Variants in PCDHGB2 observed in about 807,000 individuals in gnomAD.
PCDHGB2 encodes protocadherin gamma subfamily B, 2, also known as protocadherin gamma-B2.
Under a neutral mutation model 59.3 loss-of-function variants are expected in PCDHGB2, and 55 were observed. The observed-to-expected ratio is 0.93, with a 90% CI of 0.75 to 1.16. The LOEUF is 1.16. Ranked by LOEUF, PCDHGB2 falls within the 50% of genes most tolerant of loss-of-function variation. The pLI is 0.00. For missense variants in PCDHGB2, 1,228 were observed against 1,198.5 expected (o/e 1.02, Z -0.36); for synonymous variants, 516 against 512.0 (o/e 1.01, Z -0.11).
chr5:141,491,802 G>A lies in PCDHGB2; in HGVS notation c.2422-3005G>A. 6.7e-7 allele frequency: 1 copy of A among 1,497,480 alleles called. No homozygotes were observed. Among genetic ancestry groups the A allele is most frequent in the East Asian group, 2.5e-5 (1 of 40,518 alleles). The allele number at this position is 1,497,480 out of a possible 1,614,324, so 92.8% of individuals were successfully genotyped here. ...ACTTGCATCCACTCCTCTCCGGCCG[G>A]CTTGGTCGCTGGCTGCGCTCCACCC... On this transcript the variant is annotated intron_variant, in intron 1 of 3. Coordinates refer to ENST00000522605, the MANE Select transcript of PCDHGB2 (RefSeq NM_018923.3). The surrounding 1 kb of genome is among the most constrained non-coding windows in gnomAD (Gnocchi z 6.9).
intron 1 of PCDHGB2, among the ~76,000 whole-genome samples, chr5:141,483,945 ATTGTG>A (rs2099589210): frequency 8.3e-6 from 1 of 120,394 alleles, no homozygotes; most frequent in Non-Finnish European, 1.6e-5. Context: ...TACGGTGTGA[ATTGTG>A]TTGTGTTTCT....
In PCDHGB2 at chr5:141,370,930, CTT is replaced by C. The variant is rs762522894; in HGVS notation, c.2421+8376_2421+8377del. Reference sequence around the variant, plus strand: ...TACCTCAGCCCTGATCCGCACTTCTCTTTGATTCAGAAGGAGAACCTGGATGG... The same window carrying C: ...TACCTCAGCCCTGATCCGCACTTCTCTGATTCAGAAGGAGAACCTGGATGG... On this transcript the variant is annotated intron_variant, in intron 1 of 3. Transcript: ENST00000522605. The C allele has an allele frequency of 1.1e-5, 18 of 1,613,894 alleles. No homozygotes were observed. In the African/African-American group the frequency reaches 2.1e-4, roughly 19 times the overall value.
chr5:141,375,241 C>G (rs774856817), intron 1 of PCDHGB2: 20 of 1,613,942 alleles, frequency 1.2e-5, no homozygotes, highest in Non-Finnish European at 1.7e-5. Context: ...CCTGTTCCAT[C>G]CCGAGAAGTC....
chr5:141,366,108 C>A (rs1179892338), intron 1 of PCDHGB2: 1 of 1,614,222 alleles, frequency 6.2e-7, no homozygotes, highest in South Asian at 1.1e-5. Flanking sequence ...AAGGTGGTAG[C>A]GGTGGACAAA....
At chr5:141,496,734 G>A (rs527288196) in intron 2 of PCDHGB2, among the ~76,000 whole-genome samples, 4 of 152,066 alleles carry the variant, frequency 2.6e-5, no homozygotes, top group Non-Finnish European at 4.4e-5. Flanking sequence ...GTATTCATTC[G>A]TTCATTTATT....
At position 141,476,923 on chromosome 5, in the gene PCDHGB2, G is replaced by A. The variant is rs368207814; in HGVS notation, c.2422-17884G>A. On this transcript the variant is annotated intron_variant, in intron 1 of 3. Transcript: ENST00000522605. This position sits in a 1 kb window ranked among gnomAD's most constrained non-coding sequence, Gnocchi z 7.6. ...CGCGCGTGGTACAAGTCCTTGCAAC[G>A]GATCTGGATGAAGGCCCCAACGGTG... The A allele has an allele frequency of 5.0e-6, 8 of 1,614,024 alleles. No individual in the cohort carries two copies. Among genetic ancestry groups the A allele is most frequent in the African/African-American group, 4.0e-5 (3 of 74,952 alleles).
chr5:141,383,502 C>A (rs1779190099), intron 1 of PCDHGB2: 1 of 1,613,004 alleles, frequency 6.2e-7, no homozygotes, highest in Admixed American at 1.7e-5. Context: ...GGGTGCTGGA[C>A]CGGGAGGAAG....
At chr5:141,376,047 C>G (rs778307171) in intron 1 of PCDHGB2, 2 of 1,613,296 alleles carry the variant, frequency 1.2e-6, no homozygotes, top group South Asian at 2.2e-5. Flanking sequence ...CCCCCTCTCT[C>G]CGCCACTGTC....
intron 1 of PCDHGB2, chr5:141,422,736 C>T (rs1408210168): frequency 9.9e-6 from 16 of 1,608,328 alleles, no homozygotes; most frequent in Non-Finnish European, 1.2e-5. Context: ...TGCCTCTGTC[C>T]TCCTATGTCT....
At chr5:141,376,137 A>G (rs1342753731) in intron 1 of PCDHGB2, 6 of 1,613,156 alleles carry the variant, frequency 3.7e-6, no homozygotes, top group South Asian at 1.1e-5. Context: ...GCCAAACCCA[A>G]CGATTCGGAC....
chr5:141,446,759 G>A (rs983129633), intron 1 of PCDHGB2, among the ~76,000 whole-genome samples: 5 of 152,026 alleles, frequency 3.3e-5, no homozygotes, highest in Admixed American at 1.3e-4. Flanking sequence ...GAGCCACCGC[G>A]CCCAGCCGGT....
At chr5:141,418,021 A>G (rs748774040) in intron 1 of PCDHGB2, 11 of 1,613,978 alleles carry the variant, frequency 6.8e-6, no homozygotes, top group African/African-American at 1.3e-5. Context: ...CTAAGGATCT[A>G]GGGCTTAGTG....
At chr5:141,428,320 T>G in intron 1 of PCDHGB2, 2 of 650,176 alleles carry the variant, frequency 3.1e-6, no homozygotes, top group Non-Finnish European at 5.5e-6. Context: ...GGCCTTGGCC[T>G]TGATTTCTAT....
intron 1 of PCDHGB2, among the ~76,000 whole-genome samples, chr5:141,488,655 G>C (rs1438020338): frequency 6.6e-6 from 1 of 152,164 alleles, no homozygotes. Flanking sequence ...GATGGGGGAG[G>C]GTGGGGGAAT....
intron 1 of PCDHGB2, chr5:141,394,909 C>A (rs1349151273): frequency 1.9e-6 from 3 of 1,613,418 alleles, no homozygotes; most frequent in East Asian, 4.5e-5. Context: ...GCAGTGGCTG[C>A]CATCTCCTGT....
intron 1 of PCDHGB2, chr5:141,394,095 G>A: frequency 6.2e-7 from 1 of 1,613,848 alleles, no homozygotes; most frequent in Non-Finnish European, 8.5e-7. Context: ...CTCAGATCTA[G>A]GAACACCACC....
chr5:141,395,521 T>G, intron 1 of PCDHGB2: 7 of 388,350 alleles, frequency 1.8e-5, no homozygotes, highest in East Asian at 5.0e-5. Flanking sequence ...TACCCGTCCA[T>G]ACTGGTAATT....
At chr5:141,430,206 TTATTA>T (rs1267858049) in intron 1 of PCDHGB2, among the ~76,000 whole-genome samples, 2 of 151,984 alleles carry the variant, frequency 1.3e-5, no homozygotes, top group African/African-American at 4.8e-5. Flanking sequence ...AAAGTTTAAA[TTATTA>T]TATTATATGA....
intron 1 of PCDHGB2, chr5:141,479,722 T>C (rs2099504690): frequency 6.6e-6 from 1 of 152,240 alleles, no homozygotes; most frequent in African/African-American, 2.4e-5. Context: ...CCAGCCTTAT[T>C]TTTCTTAAGT....
Sources: gnomAD v4.1 joint callset for allele counts (sites outside exome capture counted in the v4.1 genomes callset) on GRCh38, gnomAD v4.1.1 for gene constraint, Gnocchi (gnomAD v3.1) non-coding constraint, MANE v1.5 for transcripts, NCBI Gene and HGNC (gene_info 2026-07-23, HGNC 2026-07-21) for gene names.